The following TRIM36 variants were observed in gnomAD, a reference collection of about 807,000 sequenced individuals.
The protein encoded by TRIM36 is tripartite motif containing 36.
In TRIM36, 42 loss-of-function variants were observed where a neutral mutation model predicts 72.4. That is an observed-to-expected ratio of 0.58 (90% confidence interval 0.45 to 0.75). The LOEUF (loss-of-function observed/expected upper bound fraction) is 0.75. TRIM36 is among the 30% of genes least tolerant of loss of function. The pLI is 0.00. For synonymous variants in TRIM36, 315 were observed against 282.8 expected (o/e 1.11, Z -1.14); for missense variants, 913 against 857.1 (o/e 1.07, Z -0.81).
intron 1 of TRIM36, among the ~76,000 whole-genome samples, chr5:115,164,831 A>G (rs1806346): frequency 0.45 from 68,884 of 152,104 alleles, 18,311 homozygotes; most frequent in African/African-American, 0.75. Context: ...TCTGAGACAA[A>G]GCAAGTCCCT....
chr5:115,147,544 T>C (rs1422850009), intron 2 of TRIM36, 150 bp from the exon 3 acceptor site: 6 of 1,011,776 alleles, frequency 5.9e-6, no homozygotes, highest in Non-Finnish European at 8.4e-6. Flanking sequence ...ATTGTGAAAA[T>C]GTTTTTAAAA....
At chr5:115,129,865 G>A (rs776382739) in intron 9 of TRIM36, among the ~76,000 whole-genome samples, 12 of 151,764 alleles carry the variant, frequency 7.9e-5, no homozygotes, top group Non-Finnish European at 1.6e-4. Context: ...CATCAACAAC[G>A]TTTACTAGGT....
intron 2 of TRIM36, among the ~76,000 whole-genome samples, chr5:115,162,865 A>C (rs1754557232): frequency 6.6e-6 from 1 of 152,072 alleles, no homozygotes; most frequent in Non-Finnish European, 1.5e-5. Context: ...CTATTACCAT[A>C]TATGAATGTT....
chr5:115,135,386 C>T (rs1302961097), intron 7 of TRIM36, among the ~76,000 whole-genome samples: 3 of 151,492 alleles, frequency 2.0e-5, no homozygotes, highest in African/African-American at 7.3e-5. Flanking sequence ...ATTCAAAATA[C>T]ATTTTAAAAT....
chr5:115,170,056 G>A, upstream of TRIM36: 1 of 861,984 alleles, frequency 1.2e-6, no homozygotes, highest in Non-Finnish European at 1.4e-6. Context: ...TGAGTGGTAG[G>A]CTGAGCGGGA....
chr5:115,170,305 C>G (rs1341941187), upstream of TRIM36, among the ~76,000 whole-genome samples: 1 of 152,232 alleles, frequency 6.6e-6, no homozygotes, highest in East Asian at 1.9e-4. Context: ...TGGCCCCTGG[C>G]CCCTGGCCCT....
intron 2 of TRIM36, chr5:115,149,707 T>G (rs1346816406): frequency 6.7e-6 from 1 of 148,372 alleles, no homozygotes; most frequent in African/African-American, 2.5e-5. Context: ...AGACATGTAA[T>G]TTTTCACAAC....
At chr5:115,176,918 A>C (rs75393816) in intron 1 of TRIM36, among the ~76,000 whole-genome samples, 4 of 152,244 alleles carry the variant, frequency 2.6e-5, no homozygotes, top group South Asian at 2.1e-4. Context: ...GATCGTAAGT[A>C]TTAACTACAC....
intron 6 of TRIM36, 28 bp from the exon 7 acceptor site, chr5:115,137,152 G>A (rs959305604): frequency 5.8e-6 from 9 of 1,546,910 alleles, no homozygotes; most frequent in Middle Eastern, 2.3e-4. Context: ...ATATAAAAAT[G>A]TTTCTTTAAG....
chr5:115,146,038 C>G (rs1753576863), intron 3 of TRIM36, among the ~76,000 whole-genome samples: 1 of 152,100 alleles, frequency 6.6e-6, no homozygotes, highest in African/African-American at 2.4e-5. Context: ...TTGGTGTTCT[C>G]TTATCAATCT....
chr5:115,177,905 A>G, intron 1 of TRIM36: 1 of 1,597,162 alleles, frequency 6.3e-7, no homozygotes, highest in Non-Finnish European at 8.6e-7. Context: ...GAGAGAGAGC[A>G]GAGAAATCCA....
chr5:115,137,562 C>G lies in TRIM36; in HGVS notation c.886G>C (p.Glu296Gln). The G allele has an allele frequency of 6.2e-7, 1 of 1,613,532 alleles. No individual in the cohort carries two copies. The highest frequency in any genetic ancestry group is 1.1e-5 in the South Asian group (1 of 90,974). Residue 296 changes from glutamate (E) to glutamine (Q), a missense_variant, in exon 6 of 10, where the codon GAA becomes CAA. Glu to Gln is a conservative substitution (Grantham distance 29). Transcript: ENST00000513154. Reference sequence around the variant, plus strand: ...GATGATTTCCTCTCTTCCAGAACTTCAAAGAGCTTTTCAAAATGTGTAATT... The same window carrying G: ...GATGATTTCCTCTCTTCCAGAACTTGAAAGAGCTTTTCAAAATGTGTAATT... ...EAITHFEKLF[E>Q]VLEERKSSVL...
At chr5:115,167,127 G>A (rs1754821931) in intron 1 of TRIM36, among the ~76,000 whole-genome samples, 1 of 152,222 alleles carries the variant, frequency 6.6e-6, no homozygotes, top group Non-Finnish European at 1.5e-5. Context: ...TTGCCACAGA[G>A]GTTTCTGGCT....
At chr5:115,149,014 A>G (rs994482257) in intron 2 of TRIM36, 1 of 152,216 alleles carries the variant, frequency 6.6e-6, no homozygotes, top group African/African-American at 2.4e-5. Flanking sequence ...ATAGCATGCT[A>G]TATGGCATTG....
At position 115,126,491 on chromosome 5, in the gene TRIM36, C is replaced by G. The variant is rs367967198; in HGVS notation, c.*12G>C. The G allele has an allele frequency of 2.5e-6, 4 of 1,595,142 alleles. No homozygotes were observed. The highest frequency in any genetic ancestry group is 4.5e-5 in the East Asian group (2 of 44,440). On this transcript the variant is annotated 3_prime_UTR_variant, in exon 10 of 10. Coordinates refer to ENST00000513154, the MANE Select transcript of TRIM36 (RefSeq NM_001300759.2). ...TTACAGTTTTTATCCTGAGTCACAT[C>G]AGATGTTTCAACTACATGTCCTCTT...
chr5:115,156,047 T>C (rs1021281758), intron 2 of TRIM36, among the ~76,000 whole-genome samples: 1 of 152,024 alleles, frequency 6.6e-6, no homozygotes, highest in African/African-American at 2.4e-5. Flanking sequence ...ACTCAACCAC[T>C]TTTACAATAG....
chr5:115,161,835 G>A lies in TRIM36; in HGVS notation c.262+1683C>T, dbSNP rs149437465. On this transcript the variant is annotated intron_variant, in intron 2 of 9. Transcript: ENST00000513154. ...TATTTATTGTCTCCATATTTACAGCGAAAAACTAAAATGAAGGAGAGTCCT... is the reference window on the plus strand; with the variant it reads ...TATTTATTGTCTCCATATTTACAGCAAAAAACTAAAATGAAGGAGAGTCCT... Among the ~76,000 whole-genome samples, 446 of 149,278 alleles carry A rather than the reference G, an allele frequency of 3.0e-3. 2 individuals are homozygous for A. The highest frequency in any genetic ancestry group is 0.01 in the African/African-American group (418 of 41,068).
At chr5:115,146,974 C>T in intron 3 of TRIM36, 95 bp downstream of exon 3, 1 of 1,250,776 alleles carries the variant, frequency 8.0e-7, no homozygotes, top group Non-Finnish European at 1.1e-6. Flanking sequence ...CTGTCAAGTT[C>T]TAGACTTAAT....
At chr5:115,161,437 T>C (rs1056261282) in intron 2 of TRIM36, among the ~76,000 whole-genome samples, 5 of 152,192 alleles carry the variant, frequency 3.3e-5, no homozygotes, top group Non-Finnish European at 5.9e-5. Flanking sequence ...CCACCCATTG[T>C]TTTAAACAAA....
Sources: allele counts gnomAD v4.1 joint callset (sites outside exome capture counted in the v4.1 genomes callset), GRCh38; gene constraint gnomAD v4.1.1; transcripts MANE v1.5; gene names NCBI Gene and HGNC (gene_info 2026-07-23, HGNC 2026-07-21).